The following MARCHF5 variants were observed in gnomAD, a reference collection of about 807,000 sequenced individuals.
MARCHF5 encodes E3 ubiquitin-protein ligase MARCHF5.
Under a neutral mutation model 36.5 loss-of-function variants are expected in MARCHF5, and 5 were observed. The ratio of observed to expected loss-of-function variants is 0.14; its 90% CI spans 0.07 to 0.29. The LOEUF (loss-of-function observed/expected upper bound fraction) is 0.29. MARCHF5 is among the 10% of genes least tolerant of loss of function. The probability of loss-of-function intolerance (pLI) is 1.00; values close to 1 mark genes in which losing one functional copy is unlikely to be tolerated. For synonymous variants in MARCHF5, 103 were observed against 109.9 expected (o/e 0.94, Z 0.39); for missense variants, 179 against 336.3 (o/e 0.53, Z 3.66).
chr10:92,304,384 T>G (rs186168228), intron 1 of MARCHF5, among the ~76,000 whole-genome samples: 2 of 152,236 alleles, frequency 1.3e-5, no homozygotes, highest in Non-Finnish European at 2.9e-5. Context: ...ACATTTTTTA[T>G]GCTAAAACTC....
At chr10:92,323,270 T>C (rs1448050343) in intron 2 of MARCHF5, among the ~76,000 whole-genome samples, 1 of 152,186 alleles carries the variant, frequency 6.6e-6, no homozygotes, top group Non-Finnish European at 1.5e-5. Flanking sequence ...CAGTAAACCA[T>C]ATGCCAGCCT....
intron 2 of MARCHF5, among the ~76,000 whole-genome samples, chr10:92,313,032 G>A (rs909448724): frequency 2.0e-5 from 3 of 151,952 alleles, no homozygotes; most frequent in African/African-American, 4.8e-5. Context: ...TCAGGAGTTC[G>A]AGACCAACCC....
chr10:92,340,946 C>T, intron 3 of MARCHF5, 143 bp downstream of exon 3: 1 of 730,344 alleles, frequency 1.4e-6, no homozygotes, highest in South Asian at 2.9e-5. Context: ...CCTACTTTTT[C>T]TTTACCCAAA....
intron 1 of MARCHF5, among the ~76,000 whole-genome samples, chr10:92,298,649 C>T (rs1056682553): frequency 6.6e-6 from 1 of 152,140 alleles, no homozygotes; most frequent in Non-Finnish European, 1.5e-5. Context: ...CGGCTTACTG[C>T]AACCTCCATC....
rs1360427646 is a variant in MARCHF5 at position 92,349,478 on chromosome 10, A to C, written c.499A>C (p.Arg167=). Residue 167 remains arginine (R), a synonymous_variant, in exon 4 of 6, where the codon AGA becomes CGA. Coordinates refer to ENST00000358935, the MANE Select transcript of MARCHF5 (RefSeq NM_017824.5). ...GATTCGCTGGGAGGACTATGTGCTT[A>C]GACTGTGGCGCAAATACTCGAATAA... ...KMIRWEDYVL[R]LWRKYSNKLQ... The C allele has an allele frequency of 1.2e-6, 2 of 1,614,152 alleles. No individual in the cohort carries two copies. The highest frequency in any genetic ancestry group is 2.7e-5 in the African/African-American group (2 of 75,058).
intron 1 of MARCHF5, among the ~76,000 whole-genome samples, chr10:92,296,258 G>A (rs1295964493): frequency 6.6e-6 from 1 of 152,078 alleles, no homozygotes; most frequent in Non-Finnish European, 1.5e-5. Context: ...AACCTTTTAA[G>A]TTGTTGTGGG....
chr10:92,302,384 G>A (rs1475326435), intron 1 of MARCHF5, among the ~76,000 whole-genome samples: 1 of 151,860 alleles, frequency 6.6e-6, no homozygotes, highest in African/African-American at 2.4e-5. Context: ...ACAATTCTTG[G>A]GTGTGACACT....
intron 1 of MARCHF5, among the ~76,000 whole-genome samples, chr10:92,298,619 T>C (rs919614874): frequency 6.6e-6 from 1 of 152,100 alleles, no homozygotes; most frequent in African/African-American, 2.4e-5. Context: ...TCGCCCAGGC[T>C]GGAGTGCAGT....
intron 2 of MARCHF5, among the ~76,000 whole-genome samples, chr10:92,330,574 T>A (rs959781876): frequency 6.6e-6 from 1 of 152,130 alleles, no homozygotes; most frequent in Non-Finnish European, 1.5e-5. Context: ...ATTGTCTTAT[T>A]TGTATTCCAG....
chr10:92,320,663 T>C (rs1843279851), intron 2 of MARCHF5, among the ~76,000 whole-genome samples: 1 of 98,806 alleles, frequency 1.0e-5, no homozygotes, highest in Admixed American at 1.3e-4. Flanking sequence ...AAAAAGCTTA[T>C]AAAATAAGGA....
intron 1 of MARCHF5, among the ~76,000 whole-genome samples, chr10:92,306,652 G>A (rs1353166271): frequency 6.6e-6 from 1 of 152,118 alleles, no homozygotes; most frequent in African/African-American, 2.4e-5. Flanking sequence ...ACATAGAGTG[G>A]GAGGGGTAGG....
intron 2 of MARCHF5, among the ~76,000 whole-genome samples, chr10:92,327,035 C>T (rs1404672469): frequency 6.6e-6 from 1 of 151,884 alleles, no homozygotes; most frequent in Non-Finnish European, 1.5e-5. Flanking sequence ...TTCTTCTCCT[C>T]TCCCTCTCTC....
chr10:92,317,976 C>G (rs1321332283), intron 2 of MARCHF5, among the ~76,000 whole-genome samples: 1 of 152,090 alleles, frequency 6.6e-6, no homozygotes, highest in African/African-American at 2.4e-5. Flanking sequence ...GTCTAGAACT[C>G]CTGACCTCAG....
intron 2 of MARCHF5, among the ~76,000 whole-genome samples, chr10:92,332,924 G>T (rs1843454553): frequency 6.6e-6 from 1 of 151,936 alleles, no homozygotes; most frequent in African/African-American, 2.4e-5. Context: ...CAGCACTTTG[G>T]GAGGGCAAGG....
At chr10:92,299,775 T>C (rs1331901144) in intron 1 of MARCHF5, among the ~76,000 whole-genome samples, 1 of 152,222 alleles carries the variant, frequency 6.6e-6, no homozygotes, top group East Asian at 1.9e-4. Flanking sequence ...CTCTTTTGTA[T>C]CATGATGTCT....
intron 2 of MARCHF5, among the ~76,000 whole-genome samples, chr10:92,330,973 A>G (rs1448646934): frequency 6.6e-6 from 1 of 152,164 alleles, no homozygotes; most frequent in African/African-American, 2.4e-5. Flanking sequence ...TGGTAATGTC[A>G]GGTTACCTTC....
intron 1 of MARCHF5, among the ~76,000 whole-genome samples, chr10:92,305,910 A>G (rs781779168): frequency 6.6e-6 from 1 of 152,168 alleles, no homozygotes; most frequent in Non-Finnish European, 1.5e-5. Context: ...CACCTGAGCA[A>G]CAGAGTGAGA....
At chr10:92,296,852 G>A (rs958363583) in intron 1 of MARCHF5, among the ~76,000 whole-genome samples, 1 of 152,106 alleles carries the variant, frequency 6.6e-6, no homozygotes, top group African/African-American at 2.4e-5. Flanking sequence ...TGAAGACCAA[G>A]GAAGCTATAC....
At chr10:92,347,953 C>A (rs1843673964) in intron 3 of MARCHF5, among the ~76,000 whole-genome samples, 1 of 152,078 alleles carries the variant, frequency 6.6e-6, no homozygotes, top group Non-Finnish European at 1.5e-5. Flanking sequence ...GAGGCCGAGG[C>A]GGGTGGATCA....
Sources: allele counts gnomAD v4.1 joint callset (sites outside exome capture counted in the v4.1 genomes callset), GRCh38; gene constraint gnomAD v4.1.1; transcripts MANE v1.5; gene names NCBI Gene and HGNC (gene_info 2026-07-23, HGNC 2026-07-21).